The following EFCAB11 variants were observed in gnomAD, a reference collection of about 807,000 sequenced individuals.
EFCAB11 encodes EF-hand calcium binding domain 11.
Under a neutral mutation model 23.0 loss-of-function variants are expected in EFCAB11, and 14 were observed. That is an observed-to-expected ratio of 0.61 (90% CI 0.40 to 0.95). The LOEUF (loss-of-function observed/expected upper bound fraction) is 0.95, where lower values mean the gene tolerates loss of function less well. Among genes scored for constraint, EFCAB11 ranks in the 40% least tolerant of loss-of-function variants. The pLI is 0.00. For synonymous variants in EFCAB11, 65 were observed against 66.6 expected, an observed-to-expected ratio of 0.98 and a Z score of 0.11; for missense variants, 198 against 195.8, an observed-to-expected ratio of 1.01 and a Z score of -0.07.
chr14:89,888,727 A>C (rs139582340), intron 5 of EFCAB11, among the ~76,000 whole-genome samples: 1 of 152,298 alleles, frequency 6.6e-6, no homozygotes, highest in East Asian at 1.9e-4. Flanking sequence ...TGTGAACCAG[A>C]AAGTGGGCCC....
intron 5 of EFCAB11, chr14:89,832,993 A>G (rs1391714696): frequency 6.6e-6 from 1 of 152,222 alleles, no homozygotes; most frequent in Non-Finnish European, 1.5e-5. Flanking sequence ...TGTCTCATCT[A>G]TCCTCCTTTG....
intron 5 of EFCAB11, among the ~76,000 whole-genome samples, chr14:89,858,543 G>A (rs1887823156): frequency 6.6e-6 from 1 of 152,096 alleles, no homozygotes; most frequent in Non-Finnish European, 1.5e-5. Flanking sequence ...AGAGTTGAGT[G>A]CAGTGGCGTG....
intron 3 of EFCAB11, among the ~76,000 whole-genome samples, chr14:89,939,321 G>A (rs1890709973): frequency 6.6e-6 from 1 of 152,144 alleles, no homozygotes; most frequent in Admixed American, 6.5e-5. Context: ...TTCTGTTAAT[G>A]GGAGGACTGC....
At position 89,889,204 on chromosome 14, in the gene EFCAB11, T is replaced by C. The variant is rs1336823922; in HGVS notation, c.410+42337A>G. ...TTCTTCCTTTTTTTGACAATTTATT[T>C]TAATCACCATTTTAAGGAAATGTAT... On this transcript the variant is annotated intron_variant, in intron 5 of 5. Coordinates refer to ENST00000316738, the MANE Select transcript of EFCAB11 (RefSeq NM_145231.4). 2.0e-5 allele frequency among the ~76,000 whole-genome samples: 3 copies of C among 152,326 alleles called. No individual in the cohort carries two copies. The East Asian group carries it at 5.8e-4, about 29-fold the overall frequency.
At chr14:89,912,066 C>T (rs138576062) in intron 5 of EFCAB11, among the ~76,000 whole-genome samples, 10 of 152,296 alleles carry the variant, frequency 6.6e-5, no homozygotes, top group East Asian at 3.9e-4. Context: ...TTCTAGAACA[C>T]GCTTTCTTAG....
intron 5 of EFCAB11, chr14:89,923,825 C>T (rs555226292): frequency 1.0e-6 from 1 of 985,348 alleles, no homozygotes; most frequent in South Asian, 4.7e-5. Context: ...AATGATACTC[C>T]ACAAGTTGGC....
intron 3 of EFCAB11, among the ~76,000 whole-genome samples, chr14:89,946,450 T>C (rs1416751384): frequency 1.3e-5 from 2 of 152,232 alleles, no homozygotes; most frequent in Non-Finnish European, 1.5e-5. Flanking sequence ...TCCCTTTCAA[T>C]GGGGCTGTTG....
At chr14:89,954,214 A>C in intron 1 of EFCAB11, 1 of 1,032,618 alleles carries the variant, frequency 9.7e-7, no homozygotes, top group Non-Finnish European at 1.4e-6. Flanking sequence ...TCAAAGTGCA[A>C]ACGAGTTAAC....
In EFCAB11 at chr14:89,953,971, C is replaced by T; in HGVS notation, c.106G>A (p.Gly36Arg). The change falls in exon 2 of 6, where the codon GGA (glycine) becomes AGA (arginine). Residue 36 changes from glycine (G) to arginine (R), a missense_variant. By Grantham distance (125) the Gly-to-Arg change is moderately radical (BLOSUM62 -2). Transcript: ENST00000316738. ...TTAAAGTCCTCTCTGCTGAGATATC[C>T]TTTGTGATCTTCATCACATGCTTTA... is the stretch of plus-strand genomic sequence containing the variant. ...VFKACDEDHK[G>R]YLSREDFKTA... 6.2e-7 allele frequency: 1 copy of T among 1,613,634 alleles called. No individual in the cohort carries two copies. The highest frequency in any genetic ancestry group is 8.5e-7 in the Non-Finnish European group (1 of 1,179,970).
chr14:89,917,656 ATGAAAACACT>A (rs992114416), intron 5 of EFCAB11, among the ~76,000 whole-genome samples: 52 of 152,252 alleles, frequency 3.4e-4, no homozygotes, highest in African/African-American at 1.2e-3. Flanking sequence ...TTTTGAGGTT[ATGAAAACACT>A]TGACCATTAA....
chr14:89,847,794 C>G (rs1472864310), intron 5 of EFCAB11, among the ~76,000 whole-genome samples: 1 of 150,648 alleles, frequency 6.6e-6, no homozygotes, highest in Non-Finnish European at 1.5e-5. Flanking sequence ...AGAATGCAGA[C>G]TCTGAATTCA....
rs191245761 is a variant in EFCAB11 at position 89,835,727 on chromosome 14, G to A, written c.411-38403C>T. Among the ~76,000 whole-genome samples the A allele has an allele frequency of 3.6e-4, 54 of 151,330 alleles. No homozygotes were observed. The East Asian group carries it at 9.6e-3, about 27-fold the overall frequency. Reference sequence around the variant, plus strand: ...ACTGCAACCTCCGCCTCCCGGGTTCGAACAATTCTCCCACCTCAGCCTCCT... The same window carrying A: ...ACTGCAACCTCCGCCTCCCGGGTTCAAACAATTCTCCCACCTCAGCCTCCT... On this transcript the variant is annotated intron_variant, in intron 5 of 5. Transcript: ENST00000316738.
chr14:89,860,072 A>G (rs1290406810), intron 5 of EFCAB11, among the ~76,000 whole-genome samples: 2 of 152,094 alleles, frequency 1.3e-5, no homozygotes, highest in Non-Finnish European at 2.9e-5. Context: ...GGACTAAAAG[A>G]TATCTTCAGG....
intron 5 of EFCAB11, among the ~76,000 whole-genome samples, chr14:89,910,193 A>G (rs1889631877): frequency 6.6e-6 from 1 of 152,240 alleles, no homozygotes; most frequent in African/African-American, 2.4e-5. Flanking sequence ...GAGCACAGGG[A>G]AAGATCTCTC....
At chr14:89,949,789 G>A (rs1470227747) in intron 3 of EFCAB11, among the ~76,000 whole-genome samples, 4 of 152,162 alleles carry the variant, frequency 2.6e-5, no homozygotes, top group Non-Finnish European at 4.4e-5. Flanking sequence ...ACATTTCCAC[G>A]TGGCTGGAGA....
intron 5 of EFCAB11, among the ~76,000 whole-genome samples, chr14:89,889,997 G>C (rs1739414577): frequency 6.6e-6 from 1 of 152,206 alleles, no homozygotes; most frequent in Admixed American, 6.5e-5. Context: ...TCCTTCTAGT[G>C]AATCATCAAA....
intron 5 of EFCAB11, among the ~76,000 whole-genome samples, chr14:89,917,269 T>C (rs1348038719): frequency 1.3e-5 from 2 of 151,300 alleles, no homozygotes; most frequent in African/African-American, 4.9e-5. Flanking sequence ...TCCCAGCCCC[T>C]GGCAACTACC....
In EFCAB11 at chr14:89,953,935, C is replaced by A. The variant is rs764232248; in HGVS notation, c.142G>T (p.Val48Leu). ...GAGGGCTTGTACCCAAACAGCATTACAACAGCAGTTTTAAAGTCCTCTCTG... is the reference window on the plus strand; with the variant it reads ...GAGGGCTTGTACCCAAACAGCATTAAAACAGCAGTTTTAAAGTCCTCTCTG... The part of the protein sequence containing the change: ...LSREDFKTAV[V>L]MLFGYKPSKI... The change falls in exon 2 of 6, where the codon GTA becomes TTA. Residue 48 changes from valine (V) to leucine (L), a missense_variant. Coordinates refer to ENST00000316738, the MANE Select transcript of EFCAB11 (RefSeq NM_145231.4). The A allele has an allele frequency of 1.2e-6, 2 of 1,613,810 alleles. No homozygotes were observed. Among genetic ancestry groups the A allele is most frequent in the Non-Finnish European group, 1.7e-6 (2 of 1,179,986 alleles).
intron 5 of EFCAB11, among the ~76,000 whole-genome samples, chr14:89,804,276 C>T (rs1178338297): frequency 6.6e-6 from 1 of 152,234 alleles, no homozygotes; most frequent in Admixed American, 6.5e-5. Flanking sequence ...CTGCTGTTCT[C>T]TCTTTCCTTC....
Sources: allele counts gnomAD v4.1 joint callset (sites outside exome capture counted in the v4.1 genomes callset), GRCh38; gene constraint gnomAD v4.1.1; transcripts MANE v1.5; gene names NCBI Gene and HGNC (gene_info 2026-07-23, HGNC 2026-07-21).